The following GALNTL6 variants were observed in gnomAD, a reference collection of about 807,000 sequenced individuals.
GALNTL6 encodes polypeptide N-acetylgalactosaminyltransferase like 6, also known as polypeptide N-acetylgalactosaminyltransferase-like 6.
Under a neutral mutation model 73.7 loss-of-function variants are expected in GALNTL6, and 46 were observed. The observed-to-expected ratio is 0.62, with a 90% CI of 0.49 to 0.80. GALNTL6 has a LOEUF of 0.80. Among genes scored for constraint, GALNTL6 ranks in the 30% least tolerant of loss-of-function variants. The pLI is 0.00. For synonymous variants in GALNTL6, 259 were observed against 263.7 expected, an observed-to-expected ratio of 0.98 and a Z score of 0.17; for missense variants, 604 against 755.0, an observed-to-expected ratio of 0.80 and a Z score of 2.34.
At chr4:172,990,314 A>C (rs947828776) in intron 10 of GALNTL6, among the ~76,000 whole-genome samples, 1 of 152,240 alleles carries the variant, frequency 6.6e-6, no homozygotes, top group Non-Finnish European at 1.5e-5. Context: ...GTAGAGAAAG[A>C]AATATTTTTT....
At chr4:172,335,432 G>A (rs563758365) in intron 4 of GALNTL6, among the ~76,000 whole-genome samples, 1 of 152,220 alleles carries the variant, frequency 6.6e-6, no homozygotes, top group African/African-American at 2.4e-5. Flanking sequence ...CCAGATTTAG[G>A]TATCAAGGTG....
At chr4:171,837,428 T>C (rs1288078729) in intron 2 of GALNTL6, among the ~76,000 whole-genome samples, 1 of 151,804 alleles carries the variant, frequency 6.6e-6, no homozygotes, top group Non-Finnish European at 1.5e-5. Flanking sequence ...TAGGTGACAG[T>C]AATGAATTGG....
Position 172,017,125 on chromosome 4 carries a change from C to T in GALNTL6, c.138+202407C>T, listed in dbSNP as rs148547803. 6.6e-5 allele frequency among the ~76,000 whole-genome samples: 10 copies of T among 152,192 alleles called. No individual in the cohort carries two copies. In the East Asian group the frequency reaches 1.7e-3, roughly 27 times the overall value. On this transcript the variant is annotated intron_variant, in intron 2 of 12. Coordinates refer to ENST00000506823, the MANE Select transcript of GALNTL6 (RefSeq NM_001034845.3). ...CTAAGGCAGGTGGGTAGATGTAATA[C>T]CCAATGGTGGGCTAAGGTAGCCTCC...
chr4:172,946,174 A>G (rs17059038), intron 9 of GALNTL6, among the ~76,000 whole-genome samples: 5,166 of 152,042 alleles, frequency 0.034, 189 homozygotes, highest in African/African-American at 0.089. Context: ...TCACTATAAC[A>G]CAATCCACCA....
intron 7 of GALNTL6, among the ~76,000 whole-genome samples, chr4:172,843,170 T>A (rs1054598512): frequency 6.6e-6 from 1 of 152,108 alleles, no homozygotes; most frequent in African/African-American, 2.4e-5. Context: ...CTTTATTACT[T>A]TTTTCCCTCC....
chr4:172,726,051 G>A (rs771739089), intron 5 of GALNTL6, among the ~76,000 whole-genome samples: 4 of 152,184 alleles, frequency 2.6e-5, no homozygotes, highest in African/African-American at 9.7e-5. Flanking sequence ...TTCCTTCAGA[G>A]CCCTGATTCA....
intron 2 of GALNTL6, among the ~76,000 whole-genome samples, chr4:172,083,841 A>G (rs142394696): frequency 5.3e-4 from 81 of 152,326 alleles, no homozygotes; most frequent in African/African-American, 1.8e-3. Context: ...TCTAATGACC[A>G]TAACAATGCC....
chr4:172,710,235 C>A (rs1028062151), intron 5 of GALNTL6, among the ~76,000 whole-genome samples: 1 of 152,058 alleles, frequency 6.6e-6, no homozygotes, highest in Admixed American at 6.6e-5. Context: ...ATTTGGCAAA[C>A]TGGAACAACA....
chr4:172,447,305 T>C (rs1433075224), intron 5 of GALNTL6, among the ~76,000 whole-genome samples: 1 of 152,162 alleles, frequency 6.6e-6, no homozygotes, highest in African/African-American at 2.4e-5. Context: ...CAGTCTCCCA[T>C]TATATTCTGC....
rs1274110733 is a variant in GALNTL6 at position 172,082,972 on chromosome 4, A to C, written c.139-146684A>C. ...TTGGTGTTATAAGTTAATGTTTATC[A>C]CTAAAATATTTCCCAAAAGCTTGAT... On this transcript the variant is annotated intron_variant, in intron 2 of 12. Coordinates refer to ENST00000506823, the MANE Select transcript of GALNTL6 (RefSeq NM_001034845.3). 1.7e-4 allele frequency among the ~76,000 whole-genome samples: 26 copies of C among 152,114 alleles called. 1 individual carries two copies. The highest frequency in any genetic ancestry group is 1.7e-3 in the Admixed American group (26 of 15,278).
At chr4:172,604,178 G>T (rs750773672) in intron 5 of GALNTL6, among the ~76,000 whole-genome samples, 42 of 152,144 alleles carry the variant, frequency 2.8e-4, no homozygotes, top group East Asian at 3.9e-4. Flanking sequence ...GAGAAGAGAA[G>T]ATCGATGGGA....
At chr4:172,341,613 G>C (rs2111202120) in intron 4 of GALNTL6, among the ~76,000 whole-genome samples, 1 of 152,192 alleles carries the variant, frequency 6.6e-6, no homozygotes, top group African/African-American at 2.4e-5. Flanking sequence ...GGTCTTTCTT[G>C]TGCTGTTCTG....
At chr4:172,651,034 T>C (rs958063874) in intron 5 of GALNTL6, among the ~76,000 whole-genome samples, 2 of 152,192 alleles carry the variant, frequency 1.3e-5, no homozygotes, top group African/African-American at 2.4e-5. Context: ...TATTCATGTT[T>C]AATATATAAA....
At chr4:172,286,832 T>C (rs2111090811) in intron 3 of GALNTL6, among the ~76,000 whole-genome samples, 1 of 152,130 alleles carries the variant, frequency 6.6e-6, no homozygotes, top group Middle Eastern at 3.4e-3. Context: ...AGAAGGAAAA[T>C]TTTAAAAATA....
intron 5 of GALNTL6, among the ~76,000 whole-genome samples, chr4:172,377,314 T>C (rs1349240167): frequency 6.6e-6 from 1 of 152,154 alleles, no homozygotes; most frequent in Non-Finnish European, 1.5e-5. Flanking sequence ...ACATAAAAGT[T>C]CTCCAGGTCC....
chr4:172,033,029 G>A (rs1018408892), intron 2 of GALNTL6, among the ~76,000 whole-genome samples: 3 of 151,948 alleles, frequency 2.0e-5, no homozygotes, highest in Admixed American at 6.6e-5. Context: ...TGAACCTCCT[G>A]TAAAGTGACT....
chr4:172,955,872 G>A (rs1749722531), intron 10 of GALNTL6, among the ~76,000 whole-genome samples: 1 of 151,954 alleles, frequency 6.6e-6, no homozygotes, highest in Non-Finnish European at 1.5e-5. Flanking sequence ...GCTCAGTGGG[G>A]GATCTTCTGA....
At chr4:171,975,114 G>A (rs568007215) in intron 2 of GALNTL6, among the ~76,000 whole-genome samples, 2 of 152,246 alleles carry the variant, frequency 1.3e-5, no homozygotes, top group Admixed American at 6.5e-5. Flanking sequence ...TAGCAACCAC[G>A]GGTAGTAAGC....
chr4:172,389,357 A>T (rs963170703), intron 5 of GALNTL6, among the ~76,000 whole-genome samples: 10 of 152,092 alleles, frequency 6.6e-5, no homozygotes, highest in Non-Finnish European at 1.5e-4. Context: ...AGGAAAAAAA[A>T]GTACTCAGTG....
Sources: allele counts gnomAD v4.1 joint callset (sites outside exome capture counted in the v4.1 genomes callset), GRCh38; gene constraint gnomAD v4.1.1; transcripts MANE v1.5; gene names NCBI Gene and HGNC (gene_info 2026-07-23, HGNC 2026-07-21).